Variants in ADAMTS12 observed in about 807,000 individuals in gnomAD.
ADAMTS12 encodes the protein A disintegrin and metalloproteinase with thrombospondin motifs 12.
ADAMTS12 carries 118 observed loss-of-function variants against 167.8 expected under a neutral mutation model. That is an observed-to-expected ratio of 0.70 (90% CI 0.61 to 0.82). The LOEUF is 0.82. Ranked by LOEUF, ADAMTS12 falls within the 40% of genes least tolerant of loss-of-function variation. ADAMTS12 has a pLI of 0.00. For missense variants in ADAMTS12, 1,916 were observed against 1,998.8 expected, an observed-to-expected ratio of 0.96 and a Z score of 0.79; for synonymous variants, 704 against 716.9, an observed-to-expected ratio of 0.98 and a Z score of 0.29.
intron 15 of ADAMTS12, 25 bp downstream of exon 15, chr5:33,615,803 G>A: frequency 6.2e-7 from 1 of 1,613,462 alleles, no homozygotes; most frequent in Non-Finnish European, 8.5e-7. Flanking sequence ...ACACATGTCA[G>A]CAGTTTCCCT....
chr5:33,699,886 A>C (rs543039144), intron 3 of ADAMTS12, among the ~76,000 whole-genome samples: 58 of 152,346 alleles, frequency 3.8e-4, no homozygotes, highest in African/African-American at 1.3e-3. Flanking sequence ...AAAAACAAGC[A>C]AACTACACAA....
intron 19 of ADAMTS12, among the ~76,000 whole-genome samples, chr5:33,575,475 C>A (rs951031460): frequency 6.6e-6 from 1 of 152,162 alleles, no homozygotes; most frequent in Non-Finnish European, 1.5e-5. Flanking sequence ...AATCACACAG[C>A]CGAATGCCCA....
chr5:33,579,318 TG>T lies in ADAMTS12; in HGVS notation c.2866-2159del, dbSNP rs202163026. On this transcript the variant is annotated intron_variant, in intron 18 of 23. Coordinates refer to ENST00000504830, the MANE Select transcript of ADAMTS12 (RefSeq NM_030955.4). ...TGGCTGCCTCAGGCAGGCTCAGTCT[TG>T]AGAGCTGACTGATAACTGAGGTCCC... is the stretch of plus-strand genomic sequence containing the variant. Among the ~76,000 whole-genome samples, 1,191 of 152,356 alleles carry T rather than the reference TG, an allele frequency of 7.8e-3. 16 individuals carry two copies. The highest frequency in any genetic ancestry group is 0.028 in the African/African-American group (1,158 of 41,584).
intron 5 of ADAMTS12, among the ~76,000 whole-genome samples, chr5:33,669,612 GC>G (rs1236739526): frequency 2.0e-5 from 3 of 151,828 alleles, no homozygotes; most frequent in African/African-American, 7.3e-5. Context: ...CACTTATTCT[GC>G]ACTTCTTGAA....
intron 2 of ADAMTS12, among the ~76,000 whole-genome samples, chr5:33,770,761 C>G (rs558708515): frequency 6.6e-6 from 1 of 152,082 alleles, no homozygotes; most frequent in East Asian, 1.9e-4. Flanking sequence ...TCCCAACCAG[C>G]ACTCCCTATC....
intron 23 of ADAMTS12, 60 bp downstream of exon 23, chr5:33,534,773 T>C: frequency 1.9e-6 from 3 of 1,544,332 alleles, no homozygotes; most frequent in Non-Finnish European, 2.6e-6. Context: ...ACAAGTTGTA[T>C]CATGCAGGAT....
At chr5:33,855,751 T>TCTTG (rs1749375410) in intron 2 of ADAMTS12, among the ~76,000 whole-genome samples, 1 of 152,126 alleles carries the variant, frequency 6.6e-6, no homozygotes, top group South Asian at 2.1e-4. Flanking sequence ...TGAGACAGGG[T>TCTTG]CTTGCTCTAT....
At chr5:33,536,092 T>C (rs934061126) in intron 22 of ADAMTS12, among the ~76,000 whole-genome samples, 1 of 152,262 alleles carries the variant, frequency 6.6e-6, no homozygotes, top group Non-Finnish European at 1.5e-5. Context: ...TGCTCTTTTC[T>C]TAAATTATTT....
At chr5:33,758,386 C>T (rs561261599) in intron 2 of ADAMTS12, among the ~76,000 whole-genome samples, 9 of 152,114 alleles carry the variant, frequency 5.9e-5, no homozygotes, top group African/African-American at 2.2e-4. Flanking sequence ...AAGAAGGGGC[C>T]ACACTCTGAC....
intron 3 of ADAMTS12, among the ~76,000 whole-genome samples, chr5:33,751,006 T>A (rs1744950856): frequency 1.3e-5 from 2 of 152,216 alleles, no homozygotes; most frequent in African/African-American, 2.4e-5. Flanking sequence ...CTGGTAATAT[T>A]CCATACTAAT....
intron 5 of ADAMTS12, among the ~76,000 whole-genome samples, chr5:33,671,873 CACA>C (rs1409415795): frequency 1.3e-5 from 2 of 149,610 alleles, no homozygotes; most frequent in Admixed American, 6.7e-5. Context: ...TACACACACA[CACA>C]ACCATATACA....
intron 2 of ADAMTS12, among the ~76,000 whole-genome samples, chr5:33,820,644 TA>T (rs11337686): frequency 0.95 from 144,453 of 151,998 alleles, 69,074 homozygotes; most frequent in East Asian, 1. Context: ...GCTTAATATA[TA>T]AAAAAAAATT....
chr5:33,736,132 G>A lies in ADAMTS12; in HGVS notation c.634+15272C>T, dbSNP rs138353953. On this transcript the variant is annotated intron_variant, in intron 3 of 23. Transcript: ENST00000504830. ...GGCTGTGGTGCAACGGTGCGATCTCGGCTCACTGCAAACTCTGCCTCCCGG... is the reference window on the plus strand; with the variant it reads ...GGCTGTGGTGCAACGGTGCGATCTCAGCTCACTGCAAACTCTGCCTCCCGG... Among the ~76,000 whole-genome samples, 714 of 150,298 alleles carry A rather than the reference G, an allele frequency of 4.8e-3. 6 individuals are homozygous for A. The highest frequency in any genetic ancestry group is 0.016 in the African/African-American group (665 of 40,822).
intron 3 of ADAMTS12, among the ~76,000 whole-genome samples, chr5:33,737,525 A>G (rs1408690768): frequency 6.6e-6 from 1 of 152,250 alleles, no homozygotes; most frequent in Non-Finnish European, 1.5e-5. Flanking sequence ...TACAAACACT[A>G]TTGAACTGTA....
At chr5:33,735,501 C>G (rs1383387330) in intron 3 of ADAMTS12, among the ~76,000 whole-genome samples, 1 of 152,152 alleles carries the variant, frequency 6.6e-6, no homozygotes, top group Non-Finnish European at 1.5e-5. Flanking sequence ...AATGTAACCA[C>G]TTAAAAATGT....
At chr5:33,546,684 C>A (rs1282688208) in intron 21 of ADAMTS12, among the ~76,000 whole-genome samples, 3 of 152,164 alleles carry the variant, frequency 2.0e-5, no homozygotes, top group Non-Finnish European at 4.4e-5. Context: ...TGGCTGTTAA[C>A]ACTCACAACA....
intron 3 of ADAMTS12, among the ~76,000 whole-genome samples, chr5:33,698,220 C>G (rs1390156015): frequency 6.6e-6 from 1 of 152,204 alleles, no homozygotes; most frequent in East Asian, 1.9e-4. Flanking sequence ...TATCAGCTCT[C>G]CTTTATAATG....
Position 33,525,617 on chromosome 5 carries a change from G to A in ADAMTS12, c.*1571C>T, listed in dbSNP as rs1029547516. ...TAATTCTGCCACCATCTAGATATTA[G>A]CACCATTTTTTTAATAGCACCATTC... is the stretch of plus-strand genomic sequence containing the variant. On this transcript the variant is annotated 3_prime_UTR_variant, in exon 24 of 24. Transcript: ENST00000504830. The A allele has an allele frequency of 6.6e-6, 1 of 152,070 alleles. No individual in the cohort carries two copies. The highest frequency in any genetic ancestry group is 1.5e-5 in the Non-Finnish European group (1 of 68,030). The allele number at this position is 152,070 out of a possible 1,614,324, so 9.4% of individuals were successfully genotyped here. A position where few individuals can be genotyped will look rare whatever the true frequency, so the allele number is the denominator to read the frequency against.
At position 33,570,836 on chromosome 5, in the gene ADAMTS12, T is replaced by A. The variant is rs533371504; in HGVS notation, c.3972+5218A>T. 7.1e-4 allele frequency among the ~76,000 whole-genome samples: 107 copies of A among 151,044 alleles called. 1 individual carries two copies. Among genetic ancestry groups the A allele is most frequent in the Non-Finnish European group, 8.9e-5 (6 of 67,786 alleles). ...AAAGAGTCAAGACCCATCAGTGTGC[T>A]GTATTCAGGAAACCCATCTCACGTG... On this transcript the variant is annotated intron_variant, in intron 19 of 23. Transcript: ENST00000504830.
Sources: gnomAD v4.1 joint callset for allele counts (sites outside exome capture counted in the v4.1 genomes callset) on GRCh38, gnomAD v4.1.1 for gene constraint, MANE v1.5 for transcripts, NCBI Gene and HGNC (gene_info 2026-07-23, HGNC 2026-07-21) for gene names.